Variants in ZNF148 observed in about 807,000 individuals in gnomAD.
ZNF148 encodes zinc finger protein 148.
Under a neutral mutation model 67.7 loss-of-function variants are expected in ZNF148, and 7 were observed. That is an observed-to-expected ratio of 0.10 (90% CI 0.06 to 0.19). The LOEUF (loss-of-function observed/expected upper bound fraction) is 0.19, where lower values mean the gene tolerates loss of function less well. ZNF148 is among the 10% of genes least tolerant of loss of function. The pLI is 1.00. For missense variants in ZNF148, 583 were observed against 947.1 expected, an observed-to-expected ratio of 0.62 and a Z score of 5.05; for synonymous variants, 333 against 330.7, an observed-to-expected ratio of 1.01 and a Z score of -0.08.
intron 5 of ZNF148, 44 bp from the exon 6 acceptor site, chr3:125,279,291 T>C (rs1298690286): frequency 7.0e-7 from 1 of 1,432,084 alleles, no homozygotes; most frequent in Non-Finnish European, 9.4e-7. Context: ...AATAAGTTTT[T>C]AAAATGTAAT....
chr3:125,270,019 T>C (rs1273822564), intron 7 of ZNF148, among the ~76,000 whole-genome samples: 2 of 152,180 alleles, frequency 1.3e-5, no homozygotes, highest in Admixed American at 6.5e-5. Context: ...ATGTTCACTG[T>C]CTGGGTGACA....
intron 1 of ZNF148, among the ~76,000 whole-genome samples, chr3:125,351,601 T>C (rs1171072855): frequency 6.6e-6 from 1 of 152,076 alleles, no homozygotes; most frequent in Non-Finnish European, 1.5e-5. Flanking sequence ...AAAGACACTA[T>C]CAAGAAAGTG....
intron 3 of ZNF148, among the ~76,000 whole-genome samples, chr3:125,316,381 T>G (rs568552755): frequency 1.3e-5 from 2 of 152,350 alleles, no homozygotes; most frequent in South Asian, 4.1e-4. Context: ...ATTGCTAGAT[T>G]GTATGCTAGC....
chr3:125,333,066 C>A (rs1436205378), intron 1 of ZNF148, among the ~76,000 whole-genome samples: 1 of 152,168 alleles, frequency 6.6e-6, no homozygotes, highest in Non-Finnish European at 1.5e-5. Flanking sequence ...TGTGATGTAT[C>A]TAATCCACAA....
In ZNF148 at chr3:125,233,976, GT is replaced by G; in HGVS notation, c.787-38del. The G allele has an allele frequency of 6.5e-7, 1 of 1,533,566 alleles. No individual in the cohort carries two copies. The allele number at this position is 1,533,566 out of a possible 1,614,324, so 95.0% of individuals were successfully genotyped here. The stretch of plus-strand genomic sequence containing the variant: ...AGAGGATGGTAGTGGGTTGTTTGTG[GT>G]TTTGGTCAACCAAGAAAAGAAAAAG... On this transcript the variant is annotated intron_variant, in intron 8 of 8. Coordinates refer to ENST00000360647, the MANE Select transcript of ZNF148 (RefSeq NM_021964.3). This position sits in a 1 kb window ranked among gnomAD's most constrained non-coding sequence, Gnocchi z 5.1.
chr3:125,331,181 C>T lies in ZNF148; in HGVS notation c.-176G>A, dbSNP rs964157535. The stretch of plus-strand genomic sequence containing the variant: ...ACCTCCATTAAATACGTTAGGCAAA[C>T]GCCCATCCCGCCAGATCACGTGCTT... On this transcript the variant is annotated 5_prime_UTR_variant, in exon 2 of 9. Transcript: ENST00000360647. 6 of 398,390 alleles carry T rather than the reference C, an allele frequency of 1.5e-5. No homozygotes were observed. The highest frequency in any genetic ancestry group is 1.3e-4 in the South Asian group (1 of 7,866). The allele number at this position is 398,390 out of a possible 1,614,324, so 24.7% of individuals were successfully genotyped here.
chr3:125,250,538 T>G (rs142265120), intron 7 of ZNF148, among the ~76,000 whole-genome samples: 1 of 152,216 alleles, frequency 6.6e-6, no homozygotes, highest in South Asian at 2.1e-4. Flanking sequence ...AAGAAACTCA[T>G]GATCAATATT....
chr3:125,347,519 C>T (rs1331185107), intron 1 of ZNF148, among the ~76,000 whole-genome samples: 1 of 151,806 alleles, frequency 6.6e-6, no homozygotes, highest in Non-Finnish European at 1.5e-5. Context: ...AGAGTCCAGA[C>T]TTAAATAACT....
At chr3:125,252,482 T>G (rs1936883057) in intron 7 of ZNF148, among the ~76,000 whole-genome samples, 1 of 152,066 alleles carries the variant, frequency 6.6e-6, no homozygotes, top group Non-Finnish European at 1.5e-5. Flanking sequence ...CTAGCAACAT[T>G]CATTAAAACA....
intron 6 of ZNF148, 42 bp from the exon 7 acceptor site, chr3:125,277,851 A>G: frequency 6.5e-7 from 1 of 1,542,764 alleles, no homozygotes; most frequent in Non-Finnish European, 8.8e-7. Context: ...ACTGAATAAA[A>G]CAACGGTTTT....
rs374549926 is a variant in ZNF148, at chr3:125,277,679, T to G, written c.667+47A>C. On this transcript the variant is annotated intron_variant, in intron 7 of 8. Coordinates refer to ENST00000360647, the MANE Select transcript of ZNF148 (RefSeq NM_021964.3). ...ACTTATTAAAAATTCTTCCCTCCAT[T>G]TGAAATAATCATTTTAATGAACCTA... 5.2e-6 allele frequency: 8 copies of G among 1,531,538 alleles called. No homozygotes were observed. In the African/African-American group the frequency reaches 9.7e-5, roughly 19 times the overall value. The allele number at this position is 1,531,538 out of a possible 1,614,324, so 94.9% of individuals were successfully genotyped here.
At chr3:125,348,809 GAAC>G (rs1408340863) in intron 1 of ZNF148, among the ~76,000 whole-genome samples, 1 of 152,012 alleles carries the variant, frequency 6.6e-6, no homozygotes, top group African/African-American at 2.4e-5. Context: ...TCTTGAAAAA[GAAC>G]AACAAAGCTA....
At chr3:125,318,919 C>G (rs1370036318) in intron 3 of ZNF148, among the ~76,000 whole-genome samples, 2 of 152,088 alleles carry the variant, frequency 1.3e-5, no homozygotes, top group African/African-American at 2.4e-5. Context: ...CATCCCTCTG[C>G]GAGAGAAACT....
Position 125,232,123 on chromosome 3 carries a change from G to A in ZNF148, c.*218C>T. The A allele has an allele frequency of 2.2e-6, 1 of 459,678 alleles. No individual in the cohort carries two copies. The highest frequency in any genetic ancestry group is 3.7e-6 in the Non-Finnish European group (1 of 269,424). The allele number at this position is 459,678 out of a possible 1,614,324, so 28.5% of individuals were successfully genotyped here. A position where few individuals can be genotyped will look rare whatever the true frequency, so the allele number is the denominator to read the frequency against. On this transcript the variant is annotated 3_prime_UTR_variant, in exon 9 of 9. Coordinates refer to ENST00000360647, the MANE Select transcript of ZNF148 (RefSeq NM_021964.3). The surrounding 1 kb of genome is among the most constrained non-coding windows in gnomAD (Gnocchi z 4.2). The stretch of plus-strand genomic sequence containing the variant: ...AAGTTTCTGATCTAAAACAAGTAAT[G>A]CATTGCTTCTATAAAGGTGACAACA...
chr3:125,244,011 T>A (rs568790617), intron 7 of ZNF148, among the ~76,000 whole-genome samples: 6 of 152,220 alleles, frequency 3.9e-5, no homozygotes, highest in Admixed American at 2.0e-4. Flanking sequence ...ATTTCAAGAA[T>A]GACACAAAAA....
intron 7 of ZNF148, among the ~76,000 whole-genome samples, chr3:125,242,291 A>G (rs189397297): frequency 2.1e-4 from 32 of 152,332 alleles, no homozygotes; most frequent in African/African-American, 7.0e-4. Context: ...TTTCAGACAC[A>G]TAAGTTTAAA....
chr3:125,239,013 C>T (rs1278857608), intron 7 of ZNF148, among the ~76,000 whole-genome samples: 3 of 152,050 alleles, frequency 2.0e-5, no homozygotes, highest in Non-Finnish European at 4.4e-5. Flanking sequence ...TACAAAAGGG[C>T]AAATGTGGAA....
chr3:125,263,842 G>T (rs1453854127), intron 7 of ZNF148, among the ~76,000 whole-genome samples: 1 of 152,154 alleles, frequency 6.6e-6, no homozygotes, highest in East Asian at 1.9e-4. Flanking sequence ...ATAGCTTCAG[G>T]ATAGGGGCTG....
At chr3:125,303,846 G>C (rs1047494474) in intron 4 of ZNF148, among the ~76,000 whole-genome samples, 1 of 151,862 alleles carries the variant, frequency 6.6e-6, no homozygotes, top group Non-Finnish European at 1.5e-5. Flanking sequence ...TGCCAAAAAC[G>C]GTTAGGGGTT....
Sources: allele counts gnomAD v4.1 joint callset (sites outside exome capture counted in the v4.1 genomes callset), GRCh38; gene constraint gnomAD v4.1.1; non-coding constraint Gnocchi (gnomAD v3.1); transcripts MANE v1.5; gene names NCBI Gene and HGNC (gene_info 2026-07-23, HGNC 2026-07-21).